Variants in CDH4 observed in about 807,000 individuals in gnomAD.
CDH4 encodes the protein cadherin 4, also known as cadherin-4.
A neutral mutation model predicts 86.0 loss-of-function variants in CDH4; 33 were observed. The observed-to-expected ratio is 0.38, with a 90% CI of 0.29 to 0.51. The LOEUF is 0.51. CDH4 is among the 20% of genes least tolerant of loss of function. CDH4 has a pLI of 0.86. For missense variants in CDH4, 1,114 were observed against 1,307.4 expected, an observed-to-expected ratio of 0.85 and a Z score of 2.28; for synonymous variants, 555 against 549.4, an observed-to-expected ratio of 1.01 and a Z score of -0.14.
intron 2 of CDH4, among the ~76,000 whole-genome samples, chr20:61,383,846 TATATGAA>T (rs879333963): frequency 0.22 from 30,861 of 141,096 alleles, 4,303 homozygotes; most frequent in African/African-American, 0.3. Flanking sequence ...TATATGCGTA[TATATGAA>T]GATATATATG....
At chr20:61,831,442 C>T (rs926243514) in intron 4 of CDH4, among the ~76,000 whole-genome samples, 11 of 152,234 alleles carry the variant, frequency 7.2e-5, no homozygotes, top group South Asian at 4.1e-4. Context: ...CAAATCCCTG[C>T]ACCTGTAGAG....
At chr20:61,685,184 G>T (rs895648388) in intron 2 of CDH4, among the ~76,000 whole-genome samples, 1 of 152,146 alleles carries the variant, frequency 6.6e-6, no homozygotes, top group Non-Finnish European at 1.5e-5. Flanking sequence ...ATTGTCTTTG[G>T]GGTGGACTTC....
chr20:61,376,343 G>A (rs1050234748), intron 2 of CDH4, among the ~76,000 whole-genome samples: 2 of 152,094 alleles, frequency 1.3e-5, no homozygotes, highest in Non-Finnish European at 2.9e-5. Context: ...GTGTTGTTGG[G>A]AAAGATCCCA....
intron 3 of CDH4, among the ~76,000 whole-genome samples, chr20:61,748,143 T>C (rs998673811): frequency 6.6e-6 from 1 of 151,996 alleles, no homozygotes; most frequent in East Asian, 1.9e-4. Context: ...ATTTCTTTTC[T>C]TTTTTTTGAG....
intron 2 of CDH4, among the ~76,000 whole-genome samples, chr20:61,577,352 G>T (rs969079249): frequency 1.3e-5 from 2 of 152,074 alleles, no homozygotes; most frequent in Non-Finnish European, 2.9e-5. Flanking sequence ...AAGGATGAGT[G>T]GATGTTTTGT....
chr20:61,620,934 G>A (rs1014108044), intron 2 of CDH4, among the ~76,000 whole-genome samples: 7 of 152,224 alleles, frequency 4.6e-5, no homozygotes, highest in African/African-American at 9.6e-5. Flanking sequence ...TCTTCCACGC[G>A]GGAAGGTTCA....
rs75668313 is a variant in CDH4 at position 61,458,873 on chromosome 20, C to T, written c.169+203936C>T. ...CCTGCTCTACCTTTCAGTGAATTCA[C>T]GCTCTGCCCCACACACCTCATGGCT... On this transcript the variant is annotated intron_variant, in intron 2 of 15. Coordinates refer to ENST00000614565, the MANE Select transcript of CDH4 (RefSeq NM_001794.5). 7.5e-3 allele frequency among the ~76,000 whole-genome samples: 1,138 copies of T among 152,048 alleles called. 9 individuals are homozygous for T. Among genetic ancestry groups the T allele is most frequent in the Non-Finnish European group, 0.012 (837 of 67,968 alleles).
At chr20:61,695,642 C>A (rs557600561) in intron 2 of CDH4, among the ~76,000 whole-genome samples, 1 of 152,276 alleles carries the variant, frequency 6.6e-6, no homozygotes, top group East Asian at 1.9e-4. Flanking sequence ...GCAGTGAACC[C>A]CTGGATCCTC....
intron 4 of CDH4, among the ~76,000 whole-genome samples, chr20:61,825,084 C>T (rs889640204): frequency 3.3e-5 from 5 of 152,046 alleles, no homozygotes; most frequent in Non-Finnish European, 7.4e-5. Flanking sequence ...TTTCATCCCT[C>T]CTTCATTCCT....
At chr20:61,253,271 GCGGGAGGGCGCCC>G (rs1010049280) in intron 1 of CDH4, among the ~76,000 whole-genome samples, 1 of 150,686 alleles carries the variant, frequency 6.6e-6, no homozygotes, top group African/African-American at 2.4e-5. Context: ...CGGGCGCGGC[GCGGGAGGGCGCCC>G]CGGGAGGGCG....
chr20:61,746,419 T>C lies in CDH4; in HGVS notation c.396+2630T>C, dbSNP rs577150276. On this transcript the variant is annotated intron_variant, in intron 3 of 15. Transcript: ENST00000614565. ...CACTCAGACCTTGCCCCAAGTGGTG[T>C]AGGCTCATCTAACCCTCTCCACACC... Among the ~76,000 whole-genome samples the C allele has an allele frequency of 8.5e-5, 13 of 152,306 alleles. No homozygotes were observed. In the South Asian group the frequency reaches 2.7e-3, roughly 32 times the overall value.
At chr20:61,701,407 G>A (rs1001679757) in intron 2 of CDH4, among the ~76,000 whole-genome samples, 38 of 152,216 alleles carry the variant, frequency 2.5e-4, no homozygotes, top group African/African-American at 8.9e-4. Context: ...GATTCCCCAC[G>A]GGTGAGTGAG....
At chr20:61,427,498 C>CT (rs11484318) in intron 2 of CDH4, among the ~76,000 whole-genome samples, 91,586 of 150,722 alleles carry the variant, frequency 0.61, 29,342 homozygotes, top group African/African-American at 0.83. Context: ...AACTGAGAGG[C>CT]TTTTTTTTTC....
At chr20:61,678,566 C>T (rs1256745177) in intron 2 of CDH4, among the ~76,000 whole-genome samples, 1 of 152,210 alleles carries the variant, frequency 6.6e-6, no homozygotes, top group Admixed American at 6.5e-5. Flanking sequence ...GTGTCAGTTT[C>T]CTGCACTGCA....
intron 8 of CDH4, 83 bp downstream of exon 8, chr20:61,895,130 C>T (rs1341463226): frequency 6.7e-7 from 1 of 1,494,546 alleles, no homozygotes; most frequent in Non-Finnish European, 9.1e-7. Flanking sequence ...TCCTCTCTCT[C>T]TGCGGCTCTG....
chr20:61,803,495 G>A (rs1174707759), intron 4 of CDH4, among the ~76,000 whole-genome samples: 3 of 152,182 alleles, frequency 2.0e-5, no homozygotes, highest in Admixed American at 6.5e-5. Context: ...AGCTTTGGTC[G>A]GGGGATTAGA....
rs990934354 is a variant in CDH4 at position 61,501,981 on chromosome 20, G to A, written c.170-241582G>A. Among the ~76,000 whole-genome samples, 19 of 152,150 alleles carry A rather than the reference G, an allele frequency of 1.2e-4. 1 individual carries two copies. In the South Asian group the frequency reaches 2.3e-3, roughly 18 times the overall value. ...CCGAGTGGGCACGTTAGCCCAGGCC[G>A]TTACCCTTTAGTGGGCGCGTGAGGG... On this transcript the variant is annotated intron_variant, in intron 2 of 15. Transcript: ENST00000614565. The surrounding 1 kb of genome is among the most constrained non-coding windows in gnomAD (Gnocchi z 4.2).
intron 4 of CDH4, among the ~76,000 whole-genome samples, chr20:61,780,445 A>AC (rs977343719): frequency 2.7e-4 from 41 of 152,010 alleles, no homozygotes; most frequent in African/African-American, 9.2e-4. Flanking sequence ...TATTGTCTGC[A>AC]CCCCCCACTA....
chr20:61,406,232 C>T (rs1019401888), intron 2 of CDH4, among the ~76,000 whole-genome samples: 1 of 152,090 alleles, frequency 6.6e-6, no homozygotes, highest in Non-Finnish European at 1.5e-5. Flanking sequence ...TCTACCCGGA[C>T]CACCATCTGC....
Sources: gnomAD v4.1 joint callset for allele counts (sites outside exome capture counted in the v4.1 genomes callset) on GRCh38, gnomAD v4.1.1 for gene constraint, Gnocchi (gnomAD v3.1) non-coding constraint, MANE v1.5 for transcripts, NCBI Gene and HGNC (gene_info 2026-07-23, HGNC 2026-07-21) for gene names.